The following CNIH3 variants were observed in gnomAD, a reference collection of about 807,000 sequenced individuals.
The protein encoded by CNIH3 is protein cornichon homolog 3.
A neutral mutation model predicts 24.1 loss-of-function variants in CNIH3; 14 were observed. The ratio of observed to expected loss-of-function variants is 0.58; its 90% CI spans 0.38 to 0.91. The LOEUF (loss-of-function observed/expected upper bound fraction) is 0.91. Among genes scored for constraint, CNIH3 ranks in the 40% least tolerant of loss-of-function variants. CNIH3 has a pLI of 0.00. For synonymous variants in CNIH3, 68 were observed against 73.8 expected, an observed-to-expected ratio of 0.92 and a Z score of 0.40; for missense variants, 178 against 196.8, an observed-to-expected ratio of 0.90 and a Z score of 0.57.
At chr1:224,739,290 C>G in intron 5 of CNIH3, 39 bp from the exon 6 acceptor site, 1 of 1,582,276 alleles carries the variant, frequency 6.3e-7, no homozygotes, top group Non-Finnish European at 8.5e-7. Context: ...CTAACACCTT[C>G]CTCTCTTTTT....
intron 1 of CNIH3, among the ~76,000 whole-genome samples, chr1:224,618,920 T>A (rs1260043355): frequency 6.6e-6 from 1 of 152,240 alleles, no homozygotes; most frequent in East Asian, 1.9e-4. Context: ...TGATTTAGAA[T>A]AGAAAGGAAT....
rs1039669727 is a variant in CNIH3 at position 224,730,621 on chromosome 1, C to A, written c.311+47C>A. Reference sequence around the variant, plus strand: ...ATATCCTTCGTCTTTTCTGCCAGGGCAGCCTGCTCTCCAGTGATGATGTCA... The same window carrying A: ...ATATCCTTCGTCTTTTCTGCCAGGGAAGCCTGCTCTCCAGTGATGATGTCA... On this transcript the variant is annotated intron_variant, in intron 4 of 5. Coordinates refer to ENST00000272133, the MANE Select transcript of CNIH3 (RefSeq NM_152495.2). The A allele has an allele frequency of 1.8e-5, 21 of 1,177,638 alleles. No individual in the cohort carries two copies. In the Admixed American group the frequency reaches 3.4e-4, roughly 19 times the overall value. 72.9% of individuals were successfully genotyped at this position (1,177,638 alleles called of 1,614,324 possible). A position where few individuals can be genotyped will look rare whatever the true frequency, so the allele number is the denominator to read the frequency against.
At chr1:224,632,137 G>A (rs12077707) in intron 1 of CNIH3, among the ~76,000 whole-genome samples, 3 of 152,022 alleles carry the variant, frequency 2.0e-5, no homozygotes, top group South Asian at 2.1e-4. Context: ...ACTGCCCTGC[G>A]TTGTCCATAA....
rs1258649741 is a variant in CNIH3, at chr1:224,704,050, GA to G, written c.198+19208del. 1.3e-5 allele frequency among the ~76,000 whole-genome samples: 2 copies of G among 149,646 alleles called. No individual in the cohort carries two copies. Among genetic ancestry groups the G allele is most frequent in the African/African-American group, 5.1e-5 (2 of 39,046 alleles). On this transcript the variant is annotated intron_variant, in intron 3 of 5. Coordinates refer to ENST00000272133, the MANE Select transcript of CNIH3 (RefSeq NM_152495.2). The surrounding 1 kb of genome is among the most constrained non-coding windows in gnomAD (Gnocchi z 4.2). ...CTCAGAGGTGCGCCTTTGGTGGAGTGAGAACATGAACTACTGTTCAGGAGGT... is the reference window on the plus strand; with the variant it reads ...CTCAGAGGTGCGCCTTTGGTGGAGTGGAACATGAACTACTGTTCAGGAGGT...
At chr1:224,670,294 G>T (rs1344063924) in intron 1 of CNIH3, among the ~76,000 whole-genome samples, 2 of 152,212 alleles carry the variant, frequency 1.3e-5, no homozygotes, top group African/African-American at 4.8e-5. Flanking sequence ...GGCATGGGAA[G>T]ATCTGGACAC....
intron 1 of CNIH3, among the ~76,000 whole-genome samples, chr1:224,677,395 C>A (rs1212639784): frequency 6.6e-6 from 1 of 152,168 alleles, no homozygotes; most frequent in Admixed American, 6.6e-5. Flanking sequence ...CAGTGGTTAG[C>A]CCATTGCCTG....
chr1:224,723,573 G>A (rs1006463643), intron 3 of CNIH3, among the ~76,000 whole-genome samples: 4 of 152,236 alleles, frequency 2.6e-5, no homozygotes, highest in Non-Finnish European at 4.4e-5. Context: ...CCTTCATGCC[G>A]TCACTGACCA....
intron 1 of CNIH3, among the ~76,000 whole-genome samples, chr1:224,634,398 G>A (rs182774096): frequency 1.0e-3 from 158 of 152,118 alleles, no homozygotes; most frequent in Non-Finnish European, 9.1e-4. Flanking sequence ...GTGAAACCCC[G>A]TCTCTACTAA....
chr1:224,711,521 G>A (rs1018520922), intron 3 of CNIH3, among the ~76,000 whole-genome samples: 6 of 151,956 alleles, frequency 3.9e-5, no homozygotes, highest in Admixed American at 6.6e-5. Flanking sequence ...GAGGGTGGGC[G>A]CAGTGGCTCA....
intron 3 of CNIH3, among the ~76,000 whole-genome samples, chr1:224,595,309 G>T (rs896785128): frequency 6.6e-6 from 1 of 152,148 alleles, no homozygotes. Context: ...GCCTCCCAGG[G>T]TGCTGGGATT....
intron 1 of CNIH3, among the ~76,000 whole-genome samples, chr1:224,450,050 T>C (rs1259230163): frequency 6.6e-6 from 1 of 152,042 alleles, no homozygotes; most frequent in Non-Finnish European, 1.5e-5. Flanking sequence ...ATGTATATAT[T>C]ATTGGGAAGC....
In CNIH3 at chr1:224,657,305, G is replaced by A. The variant is rs538001691; in HGVS notation, c.82-23653G>A. On this transcript the variant is annotated intron_variant, in intron 1 of 5. Transcript: ENST00000272133. ...CGAAGCCAAAAAATAAGGTTAATAT[G>A]CTTGTCATCATAAAGCCAGTCCGCT... Among the ~76,000 whole-genome samples the A allele has an allele frequency of 1.5e-4, 23 of 152,082 alleles. No homozygotes were observed. The South Asian group carries it at 4.6e-3, about 30-fold the overall frequency.
chr1:224,585,391 G>A (rs930865913), intron 5 of CNIH3, among the ~76,000 whole-genome samples: 3 of 152,148 alleles, frequency 2.0e-5, no homozygotes, highest in Non-Finnish European at 2.9e-5. Context: ...TCTCTTCAAG[G>A]GACCACATGT....
intron 5 of CNIH3, chr1:224,587,537 T>G (rs1454835712): frequency 1.3e-5 from 2 of 152,110 alleles, no homozygotes; most frequent in African/African-American, 2.4e-5. Flanking sequence ...GGAAAATGAG[T>G]GCATGTTTAC....
Position 224,651,447 on chromosome 1 carries a change from G to A in CNIH3, c.82-29511G>A, listed in dbSNP as rs547189912. ...TCACTTTAAAAAAGTTGCAGTTTTTGTTGCTGTCATTGCTTAACCCTTTCC... is the reference window on the plus strand; with the variant it reads ...TCACTTTAAAAAAGTTGCAGTTTTTATTGCTGTCATTGCTTAACCCTTTCC... On this transcript the variant is annotated intron_variant, in intron 1 of 5. Transcript: ENST00000272133. Among the ~76,000 whole-genome samples, 17 of 152,234 alleles carry A rather than the reference G, an allele frequency of 1.1e-4. No individual in the cohort carries two copies. In the South Asian group the frequency reaches 3.3e-3, roughly 30 times the overall value.
intron 1 of CNIH3, among the ~76,000 whole-genome samples, chr1:224,504,375 A>ATG (rs1677809357): frequency 6.6e-6 from 1 of 152,236 alleles, no homozygotes; most frequent in South Asian, 2.1e-4. Context: ...TTCTTTAAAA[A>ATG]TGTAGGACAT....
intron 1 of CNIH3, among the ~76,000 whole-genome samples, chr1:224,659,200 T>C (rs1485312040): frequency 1.3e-5 from 2 of 152,228 alleles, no homozygotes; most frequent in African/African-American, 4.8e-5. Flanking sequence ...CTCCTGGGTC[T>C]GAAGACAAGA....
chr1:224,639,718 C>T (rs1331209161), intron 1 of CNIH3, among the ~76,000 whole-genome samples: 1 of 152,148 alleles, frequency 6.6e-6, no homozygotes, highest in Non-Finnish European at 1.5e-5. Flanking sequence ...ATTCTTTGTT[C>T]TAAATTTCTT....
chr1:224,600,075 T>C (rs1238440497), intron 3 of CNIH3, among the ~76,000 whole-genome samples: 1 of 152,200 alleles, frequency 6.6e-6, no homozygotes, highest in Non-Finnish European at 1.5e-5. Context: ...TATATAGGTA[T>C]TATTTCTTAA....
Sources: gnomAD v4.1 joint callset for allele counts (sites outside exome capture counted in the v4.1 genomes callset) on GRCh38, gnomAD v4.1.1 for gene constraint, Gnocchi (gnomAD v3.1) non-coding constraint, MANE v1.5 for transcripts, NCBI Gene and HGNC (gene_info 2026-07-23, HGNC 2026-07-21) for gene names.